The following DIAPH2 variants were observed in gnomAD, a reference collection of about 807,000 sequenced individuals.
DIAPH2 encodes diaphanous related formin 2.
A neutral mutation model predicts 92.7 loss-of-function variants in DIAPH2; 35 were observed. That is an observed-to-expected ratio of 0.38 (90% CI 0.29 to 0.50). The LOEUF (loss-of-function observed/expected upper bound fraction) is 0.50, where lower values mean the gene tolerates loss of function less well. Ranked by LOEUF, DIAPH2 falls within the 20% of genes least tolerant of loss-of-function variation. The pLI is 0.94. For missense variants in DIAPH2, 701 were observed against 819.5 expected (o/e 0.86, Z 1.77); for synonymous variants, 301 against 280.4 (o/e 1.07, Z -0.73).
At chrX:97,340,781 G>A (rs752731891) in intron 23 of DIAPH2, among the ~76,000 whole-genome samples, 12 of 105,174 alleles carry the variant, frequency 1.1e-4, no homozygotes, top group African/African-American at 3.1e-4. Context: ...TTAGCCTCCC[G>A]AATAGCTGGG....
At chrX:96,993,274 A>T (rs893889305) in intron 17 of DIAPH2, among the ~76,000 whole-genome samples, 25 of 112,147 alleles carry the variant, frequency 2.2e-4, no homozygotes, top group Non-Finnish European at 2.3e-4. Context: ...AGATACTAAG[A>T]TGAATAAGAT....
At chrX:97,189,440 T>G (rs866188242) in intron 22 of DIAPH2, among the ~76,000 whole-genome samples, 1 of 54,750 alleles carries the variant, frequency 1.8e-5, no homozygotes. Context: ...TCCCCCCCCC[T>G]CCCTCCCTCC....
intron 4 of DIAPH2, among the ~76,000 whole-genome samples, chrX:96,862,629 G>A (rs150044750): frequency 0.011 from 1,218 of 111,893 alleles, 7 homozygotes; most frequent in Non-Finnish European, 0.018. Context: ...TTGAACTTGA[G>A]CTGGATTTCT....
At chrX:97,334,998 CA>C (rs746536131) in intron 23 of DIAPH2, among the ~76,000 whole-genome samples, 1,814 of 31,456 alleles carry the variant, frequency 0.058, 41 homozygotes, top group South Asian at 0.18. Context: ...AAAAACAAAA[CA>C]AAAAAAAAAA....
chrX:97,361,086 C>T lies in DIAPH2; in HGVS notation c.3009+12806C>T, dbSNP rs1199961612. 1.1e-4 allele frequency among the ~76,000 whole-genome samples: 11 copies of T among 102,021 alleles called. No individual in the cohort carries two copies. In the Admixed American group the frequency reaches 1.2e-3, roughly 11 times the overall value. The allele number at this position is 102,021 out of a possible 115,157, so 88.6% of individuals were successfully genotyped here. A position where few individuals can be genotyped will look rare whatever the true frequency, so the allele number is the denominator to read the frequency against. ...TTTTTTTCTTTTTTAGAGACAGGAT[C>T]GTGCTATGTTGCCCAGGCTGGTCTT... On this transcript the variant is annotated intron_variant, in intron 24 of 26. Coordinates refer to ENST00000324765, the MANE Select transcript of DIAPH2 (RefSeq NM_006729.5).
intron 17 of DIAPH2, among the ~76,000 whole-genome samples, chrX:96,970,285 T>C (rs926776643): frequency 1.2e-4 from 13 of 111,886 alleles, no homozygotes; most frequent in Non-Finnish European, 2.4e-4. Context: ...TTCAGTAGAA[T>C]TGGTACCAGC....
intron 22 of DIAPH2, among the ~76,000 whole-genome samples, chrX:97,194,786 T>C (rs2067688221): frequency 8.9e-6 from 1 of 112,013 alleles, no homozygotes; most frequent in Non-Finnish European, 1.9e-5. Flanking sequence ...CAGGCACATA[T>C]TATTTATGTC....
intron 26 of DIAPH2, among the ~76,000 whole-genome samples, chrX:97,483,647 T>G (rs761143667): frequency 8.9e-6 from 1 of 112,206 alleles, no homozygotes; most frequent in East Asian, 2.8e-4. Flanking sequence ...TCCCTCTCCC[T>G]TCTATCTTCA....
intron 21 of DIAPH2, among the ~76,000 whole-genome samples, chrX:97,137,270 C>CATATATATATATATATATATATAT (rs57799375): frequency 4.0e-4 from 27 of 68,247 alleles, no homozygotes; most frequent in African/African-American, 1.0e-3. Flanking sequence ...CGCAGTTATA[C>CATATATATATATATATATATATAT]ATATATATAT....
chrX:96,931,871 T>G (rs748130416), intron 10 of DIAPH2, among the ~76,000 whole-genome samples: 1 of 111,335 alleles, frequency 9.0e-6, no homozygotes, highest in South Asian at 3.8e-4. Flanking sequence ...TTTTGGAAAT[T>G]TCTATGTCAA....
chrX:97,232,856 C>T, intron 22 of DIAPH2, among the ~76,000 whole-genome samples: 1 of 112,281 alleles, frequency 8.9e-6, no homozygotes, highest in Middle Eastern at 4.6e-3. Flanking sequence ...CTCCTCAAAT[C>T]CCTGAGTCTA....
chrX:96,945,736 A>G lies in DIAPH2; in HGVS notation c.1509+145A>G, dbSNP rs555372072. 15 of 386,140 alleles carry G rather than the reference A, an allele frequency of 3.9e-5. No homozygotes were observed. The South Asian group carries it at 1.0e-3, about 26-fold the overall frequency. The allele number at this position is 386,140 out of a possible 1,213,427, so 31.8% of individuals were successfully genotyped here. Reference sequence around the variant, plus strand: ...TTGGGTTCAAACATAGCCGTGGAATATTGATTTATTTCCTTATAAGGTAAG... The same window carrying G: ...TTGGGTTCAAACATAGCCGTGGAATGTTGATTTATTTCCTTATAAGGTAAG... On this transcript the variant is annotated intron_variant, in intron 14 of 26. Transcript: ENST00000324765.
At chrX:97,555,675 A>G (rs1238111650) in intron 26 of DIAPH2, among the ~76,000 whole-genome samples, 11 of 111,935 alleles carry the variant, frequency 9.8e-5, no homozygotes, top group Non-Finnish European at 2.1e-4. Flanking sequence ...AGAATGAGTA[A>G]AAGATGATTT....
At chrX:96,812,079 A>C (rs759468741) in intron 4 of DIAPH2, among the ~76,000 whole-genome samples, 1 of 112,006 alleles carries the variant, frequency 8.9e-6, no homozygotes, top group East Asian at 2.8e-4. Flanking sequence ...TGATTGGAAT[A>C]GTTTCAGAAG....
intron 26 of DIAPH2, among the ~76,000 whole-genome samples, chrX:97,596,589 C>G (rs1002192016): frequency 8.1e-5 from 9 of 111,260 alleles, no homozygotes; most frequent in African/African-American, 2.6e-4. Context: ...ACATGAGCAC[C>G]CAGTTTCTCC....
intron 1 of DIAPH2, among the ~76,000 whole-genome samples, chrX:96,722,202 A>G (rs1433885853): frequency 9.1e-6 from 1 of 110,298 alleles, no homozygotes. Flanking sequence ...CTAAAAGTAC[A>G]AAAAATTAGC....
chrX:97,347,769 G>A (rs896819693), intron 23 of DIAPH2, among the ~76,000 whole-genome samples: 1 of 111,156 alleles, frequency 9.0e-6, no homozygotes, highest in Non-Finnish European at 1.9e-5. Flanking sequence ...AAGTAATTAA[G>A]TTAAAATGAG....
intron 4 of DIAPH2, among the ~76,000 whole-genome samples, chrX:96,843,734 C>T (rs1351141657): frequency 8.9e-6 from 1 of 111,871 alleles, no homozygotes; most frequent in Non-Finnish European, 1.9e-5. Context: ...CTCCTCCCTG[C>T]GGCAAAAGGC....
chrX:96,809,787 G>T (rs1358852055), intron 4 of DIAPH2, among the ~76,000 whole-genome samples: 2 of 111,518 alleles, frequency 1.8e-5, no homozygotes, highest in Non-Finnish European at 3.8e-5. Context: ...CTGTCCTTGT[G>T]ATTGTTTGCT....
Sources: gnomAD v4.1 joint callset for allele counts (sites outside exome capture counted in the v4.1 genomes callset) on GRCh38, gnomAD v4.1.1 for gene constraint, MANE v1.5 for transcripts, NCBI Gene and HGNC (gene_info 2026-07-23, HGNC 2026-07-21) for gene names.